The following DENND2B variants were observed in gnomAD, a reference collection of about 807,000 sequenced individuals.
DENND2B encodes DENN domain-containing protein 2B.
A neutral mutation model predicts 116.0 loss-of-function variants in DENND2B; 32 were observed. The ratio of observed to expected loss-of-function variants is 0.28; its 90% CI spans 0.21 to 0.37. The LOEUF (loss-of-function observed/expected upper bound fraction) is 0.37. Among genes scored for constraint, DENND2B ranks in the 10% least tolerant of loss-of-function variants. The pLI is 1.00. For missense variants in DENND2B, 1,276 were observed against 1,477.7 expected (o/e 0.86, Z 2.24); for synonymous variants, 588 against 583.9 (o/e 1.01, Z -0.10).
chr11:8,727,842 G>C (rs2047341119), intron 3 of DENND2B, among the ~76,000 whole-genome samples: 2 of 151,670 alleles, frequency 1.3e-5, no homozygotes, highest in African/African-American at 4.8e-5. Flanking sequence ...CCCCCAGGAA[G>C]GTGTCACACT....
At chr11:8,868,135 A>G (rs889535916) in intron 2 of DENND2B, among the ~76,000 whole-genome samples, 3 of 152,220 alleles carry the variant, frequency 2.0e-5, no homozygotes, top group African/African-American at 7.2e-5. Context: ...TTTCTGATCC[A>G]GAGCAGCCCC....
intron 2 of DENND2B, among the ~76,000 whole-genome samples, chr11:8,745,445 G>C (rs1215004724): frequency 3.9e-5 from 6 of 152,194 alleles, no homozygotes; most frequent in Admixed American, 3.9e-4. Context: ...TTTTAGGGGA[G>C]AGAGTGAGTG....
At chr11:8,717,175 T>G (rs1290156917) in intron 5 of DENND2B, among the ~76,000 whole-genome samples, 2 of 152,208 alleles carry the variant, frequency 1.3e-5, no homozygotes, top group Non-Finnish European at 2.9e-5. Flanking sequence ...GCTTTTCACC[T>G]TTCCTGTCAT....
chr11:8,881,208 G>A (rs1358447121), intron 1 of DENND2B: 1 of 152,262 alleles, frequency 6.6e-6, no homozygotes. Context: ...AAAATTCATA[G>A]TGATGTGCCT....
At chr11:8,737,070 T>TA (rs1390837963) in intron 2 of DENND2B, among the ~76,000 whole-genome samples, 9 of 152,148 alleles carry the variant, frequency 5.9e-5, no homozygotes, top group African/African-American at 2.2e-4. Context: ...AATTTGCTGA[T>TA]GGGTTAGATG....
intron 3 of DENND2B, among the ~76,000 whole-genome samples, chr11:8,729,483 A>T (rs2047711654): frequency 6.6e-6 from 1 of 152,206 alleles, no homozygotes; most frequent in Admixed American, 6.5e-5. Flanking sequence ...AATTGTGTTA[A>T]ATTTGCCGAC....
chr11:8,780,788 C>A (rs1036019373), intron 1 of DENND2B, among the ~76,000 whole-genome samples: 3 of 152,104 alleles, frequency 2.0e-5, no homozygotes. Flanking sequence ...AAAATCTGTT[C>A]AAGTGGTCCA....
chr11:8,698,909 T>G (rs1393819411), intron 16 of DENND2B, 24 bp downstream of exon 16: 2 of 1,613,984 alleles, frequency 1.2e-6, no homozygotes, highest in Admixed American at 3.3e-5. Context: ...GGAGCCCAAC[T>G]CTAGCAAGCA....
intron 3 of DENND2B, among the ~76,000 whole-genome samples, chr11:8,854,016 A>ATTTTTTTTTTTTTTTTTTTTT (rs71059187): frequency 3.2e-5 from 2 of 62,756 alleles, no homozygotes; most frequent in African/African-American, 6.2e-5. Flanking sequence ...GCCCCAGTTA[A>ATTTTTTTTTTTTTTTTTTTTT]TTTTTTTTTT....
At chr11:8,806,968 C>G (rs2060918565) in intron 1 of DENND2B, among the ~76,000 whole-genome samples, 1 of 151,820 alleles carries the variant, frequency 6.6e-6, no homozygotes, top group South Asian at 2.1e-4. Flanking sequence ...CTCCACTTTC[C>G]ATGGTCCCTC....
In DENND2B at chr11:8,729,933, G is replaced by T. The variant is rs775970392; in HGVS notation, c.1340+17C>A. On this transcript the variant is annotated intron_variant, in intron 3 of 19. Coordinates refer to ENST00000313726, the MANE Select transcript of DENND2B (RefSeq NM_213618.2). ...CCACGGTATTCAGCTACAACACACC[G>T]GAGGGGCATGCATTACCTGCTCTGG... 6.2e-7 allele frequency: 1 copy of T among 1,612,470 alleles called. No homozygotes were observed. Among genetic ancestry groups the T allele is most frequent in the Non-Finnish European group, 8.5e-7 (1 of 1,179,096 alleles).
intron 4 of DENND2B, among the ~76,000 whole-genome samples, chr11:8,824,890 G>A (rs2061917576): frequency 1.4e-5 from 2 of 143,898 alleles, no homozygotes; most frequent in African/African-American, 5.1e-5. Context: ...GTAGAGACAC[G>A]GTTTCGCCAT....
intron 2 of DENND2B, among the ~76,000 whole-genome samples, chr11:8,858,758 G>A (rs1193733450): frequency 1.3e-5 from 2 of 152,190 alleles, no homozygotes; most frequent in Non-Finnish European, 2.9e-5. Flanking sequence ...TCGAGGGCTT[G>A]GCTGGTCACC....
intron 1 of DENND2B, among the ~76,000 whole-genome samples, chr11:8,907,678 G>A (rs2064255541): frequency 6.6e-6 from 1 of 151,904 alleles, no homozygotes; most frequent in African/African-American, 2.4e-5. Context: ...GTAGGTAGGT[G>A]TTTTTTTAAT....
intron 18 of DENND2B, 140 bp downstream of exon 18, chr11:8,696,287 T>A (rs2040346751): frequency 7.7e-7 from 1 of 1,301,044 alleles, no homozygotes; most frequent in African/African-American, 1.5e-5. Flanking sequence ...GAATGCTACC[T>A]TGAAGTTTCT....
chr11:8,792,791 G>T (rs909247380), intron 1 of DENND2B, among the ~76,000 whole-genome samples: 3 of 152,176 alleles, frequency 2.0e-5, no homozygotes, highest in Non-Finnish European at 2.9e-5. Context: ...GGGCCAGGGC[G>T]CAGTGGAAAG....
At chr11:8,904,578 G>T (rs964820371) in intron 1 of DENND2B, among the ~76,000 whole-genome samples, 14 of 152,100 alleles carry the variant, frequency 9.2e-5, no homozygotes, top group Admixed American at 8.5e-4. Context: ...AAGCCAGTGC[G>T]ATTAGGCAAG....
intron 1 of DENND2B, chr11:8,809,732 G>A (rs937677260): frequency 6.6e-6 from 1 of 152,148 alleles, no homozygotes; most frequent in African/African-American, 2.4e-5. Flanking sequence ...GTAACCAAAG[G>A]AATCCACCCG....
intron 4 of DENND2B, among the ~76,000 whole-genome samples, chr11:8,835,991 G>A (rs2062406640): frequency 6.6e-6 from 1 of 152,034 alleles, no homozygotes; most frequent in Admixed American, 6.6e-5. Flanking sequence ...AGGAAAGTAG[G>A]AGGCATCCTC....
Sources: allele counts gnomAD v4.1 joint callset (sites outside exome capture counted in the v4.1 genomes callset), GRCh38; gene constraint gnomAD v4.1.1; transcripts MANE v1.5; gene names NCBI Gene and HGNC (gene_info 2026-07-23, HGNC 2026-07-21).